The following ZNF300 variants were observed in gnomAD, a reference collection of about 807,000 sequenced individuals.
ZNF300 encodes the protein zinc finger protein 300.
A neutral mutation model predicts 13.9 loss-of-function variants in ZNF300; 6 were observed. That is an observed-to-expected ratio of 0.43 (90% CI 0.24 to 0.85). The LOEUF is 0.85. ZNF300 is among the 40% of genes least tolerant of loss of function. The probability of loss-of-function intolerance (pLI) is 0.25; values close to 1 mark genes in which losing one functional copy is unlikely to be tolerated. For missense variants in ZNF300, 662 were observed against 714.2 expected (o/e 0.93, Z 0.83); for synonymous variants, 237 against 242.2 (o/e 0.98, Z 0.20).
Position 150,896,409 on chromosome 5 carries a change from G to C in ZNF300, c.830C>G (p.Ala277Gly). ...KSCVCVTCGKAFAKKSQLIVH... is the reference protein window; with the variant it reads ...KSCVCVTCGKGFAKKSQLIVH... ...AATGAGTTGTGACTTCTTAGCAAAG[G>C]CTTTTCCACATGTAACACATACACA... Residue 277 changes from alanine to glycine, a missense_variant, in exon 6 of 6, where the codon GCC becomes GGC. Transcript: ENST00000274599. The C allele has an allele frequency of 1.2e-6, 2 of 1,613,582 alleles. No individual in the cohort carries two copies. The highest frequency in any genetic ancestry group is 1.7e-6 in the Non-Finnish European group (2 of 1,179,836).
chr5:150,903,687 A>G (rs1755058804), intron 2 of ZNF300, among the ~76,000 whole-genome samples, 177 bp downstream of exon 2: 2 of 152,196 alleles, frequency 1.3e-5, no homozygotes, highest in South Asian at 4.1e-4. Context: ...TTTTCCCCCA[A>G]CTTAGAAAAC....
At chr5:150,901,559 G>C (rs1487188305) in intron 3 of ZNF300, among the ~76,000 whole-genome samples, 1 of 151,976 alleles carries the variant, frequency 6.6e-6, no homozygotes, top group Non-Finnish European at 1.5e-5. Flanking sequence ...TTTTGCAATA[G>C]AACTCTAAAC....
In ZNF300 at chr5:150,894,673, T is replaced by C. The variant is rs757141999; in HGVS notation, c.*751A>G. 3.9e-5 allele frequency: 6 copies of C among 152,044 alleles called. No homozygotes were observed. The highest frequency in any genetic ancestry group is 8.8e-5 in the Non-Finnish European group (6 of 68,026). 9.4% of individuals were successfully genotyped at this position (152,044 alleles called of 1,614,324 possible). On this transcript the variant is annotated 3_prime_UTR_variant, in exon 6 of 6. Transcript: ENST00000274599. ...ACTGAAAATGAGCTCTGCATTGTAT[T>C]TGTACTTACTGATAAAAAATACTCA...
intron 3 of ZNF300, among the ~76,000 whole-genome samples, chr5:150,899,932 G>C (rs1371055336): frequency 6.6e-6 from 1 of 151,952 alleles, no homozygotes; most frequent in Non-Finnish European, 1.5e-5. Context: ...AGCCTCCTTT[G>C]TTTTCTTCTT....
In ZNF300 at chr5:150,895,972, G is replaced by A. The variant is rs1378238305; in HGVS notation, c.1267C>T (p.His423Tyr). ...ECGKAFCEKS[H>Y]LIIHKRIHTG... is the part of the protein sequence containing the mutation. Reference sequence around the variant, plus strand: ...TGAATTCTTTTATGTATAATGAGGTGGGACTTCTCACAGAAGGCTTTCCCA... The same window carrying A: ...TGAATTCTTTTATGTATAATGAGGTAGGACTTCTCACAGAAGGCTTTCCCA... The change falls in exon 6 of 6, where the codon CAC (histidine) becomes TAC (tyrosine). Residue 423 changes from histidine to tyrosine, a missense_variant. Coordinates refer to ENST00000274599, the MANE Select transcript of ZNF300 (RefSeq NM_052860.4). The A allele has an allele frequency of 6.2e-7, 1 of 1,613,352 alleles. No individual in the cohort carries two copies. The highest frequency in any genetic ancestry group is 8.5e-7 in the Non-Finnish European group (1 of 1,179,784).
Position 150,903,047 on chromosome 5 carries a change from T to C in ZNF300, c.15+94A>G, listed in dbSNP as rs1755038748. On this transcript the variant is annotated intron_variant, in intron 3 of 5. Transcript: ENST00000274599. ...GGTCTTGATCTTTGTTGTTACCACC[T>C]TTTCCTTCATCCAGATTTTAGCTAA... 9 of 1,324,566 alleles carry C rather than the reference T, an allele frequency of 6.8e-6. No homozygotes were observed. The South Asian group carries it at 1.2e-4, about 17-fold the overall frequency. 82.1% of individuals were successfully genotyped at this position (1,324,566 alleles called of 1,614,324 possible).
At position 150,896,386 on chromosome 5, in the gene ZNF300, T is replaced by TGAG. The variant is rs778700114; in HGVS notation, c.850_852dup (p.Leu284dup). On this transcript the variant is annotated inframe_insertion, in exon 6 of 6. Coordinates refer to ENST00000274599, the MANE Select transcript of ZNF300 (RefSeq NM_052860.4). ...CCAGTATGAATTCTTTGATGTACAATGAGTTGTGACTTCTTAGCAAAGGCT... is the reference window on the plus strand; with the variant it reads ...CCAGTATGAATTCTTTGATGTACAATGAGGAGTTGTGACTTCTTAGCAAAGGCT... 1.2e-6 allele frequency: 2 copies of TGAG among 1,613,688 alleles called. No homozygotes were observed. Among genetic ancestry groups the TGAG allele is most frequent in the Non-Finnish European group, 1.7e-6 (2 of 1,179,842 alleles).
Position 150,895,889 on chromosome 5 carries a change from T to G in ZNF300, c.1350A>C (p.Thr450=), listed in dbSNP as rs770167284. The change falls in exon 6 of 6, where the codon ACA becomes ACC. Residue 450 remains threonine, a synonymous_variant. Coordinates refer to ENST00000274599, the MANE Select transcript of ZNF300 (RefSeq NM_052860.4). The stretch of plus-strand genomic sequence containing the variant: ...GAACTAACTGATGTGTAATGAGTTC[T>G]GTCTTCCTGCTGAAGGCTTCCTCAC... ...AQCEEAFSRK[T]ELITHQLVHT... The G allele has an allele frequency of 1.2e-6, 2 of 1,613,546 alleles. No homozygotes were observed. The highest frequency in any genetic ancestry group is 4.5e-5 in the East Asian group (2 of 44,854).
At position 150,896,931 on chromosome 5, in the gene ZNF300, C is replaced by T. The variant is rs772465793; in HGVS notation, c.308G>A (p.Gly103Glu). 18 of 1,612,924 alleles carry T rather than the reference C, an allele frequency of 1.1e-5. No homozygotes were observed. The highest frequency in any genetic ancestry group is 1.7e-5 in the Admixed American group (1 of 59,792). Reference protein sequence around the residue: ...NLHNSQSCILGTVSFHHKILK... With the variant: ...NLHNSQSCILETVSFHHKILK... ...TATCTTATGATGGAAGGAAACTGTC[C>T]CCAAAATACATGACTGGGAGTTGTG... The change falls in exon 6 of 6, where the codon GGG (glycine) becomes GAG (glutamate). Residue 103 changes from glycine (G) to glutamate (E), a missense_variant. By Grantham distance (98) the Gly-to-Glu change is moderately conservative. Coordinates refer to ENST00000274599, the MANE Select transcript of ZNF300 (RefSeq NM_052860.4).
chr5:150,901,274 C>T (rs1456595085), intron 3 of ZNF300, among the ~76,000 whole-genome samples: 1 of 152,030 alleles, frequency 6.6e-6, no homozygotes, highest in Non-Finnish European at 1.5e-5. Context: ...TTTACATTTT[C>T]TAGGAACCAC....
intron 3 of ZNF300, among the ~76,000 whole-genome samples, chr5:150,902,815 C>T (rs1260681016): frequency 6.6e-6 from 1 of 152,162 alleles, no homozygotes; most frequent in Non-Finnish European, 1.5e-5. Context: ...CACTCCACCT[C>T]CTAGAGTAAA....
chr5:150,898,230 GAA>G (rs772839702), intron 4 of ZNF300, 46 bp from the exon 5 acceptor site: 2 of 1,606,506 alleles, frequency 1.2e-6, no homozygotes, highest in Non-Finnish European at 1.7e-6. Context: ...TGCACTGAAG[GAA>G]AAAGAGAAGG....
rs1418040427 is a variant in ZNF300 at position 150,903,989 on chromosome 5, CAAAAG to C, written c.-141-17_-141-13del. On this transcript the variant is annotated splice_polypyrimidine_tract_variant and intron_variant, in intron 1 of 5. Coordinates refer to ENST00000274599, the MANE Select transcript of ZNF300 (RefSeq NM_052860.4). ...GGGTATCAAAACATCTGGAAGGAAA[CAAAAG>C]AAACAATCATACTCATCTCTGGATA... 3 of 152,324 alleles carry C rather than the reference CAAAAG, an allele frequency of 2.0e-5. No individual in the cohort carries two copies. Among genetic ancestry groups the C allele is most frequent in the Non-Finnish European group, 4.4e-5 (3 of 68,084 alleles). The allele number at this position is 152,324 out of a possible 1,614,324, so 9.4% of individuals were successfully genotyped here.
At chr5:150,898,266 A>T in intron 4 of ZNF300, 82 bp from the exon 5 acceptor site, 1 of 1,596,734 alleles carries the variant, frequency 6.3e-7, no homozygotes, top group Non-Finnish European at 8.6e-7. Context: ...GGTCTACAAT[A>T]AAGCTGTCCA....
intron 3 of ZNF300, chr5:150,900,795 TAATA>T (rs1435566905): frequency 6.9e-6 from 1 of 145,846 alleles, no homozygotes; most frequent in East Asian, 1.9e-4. Context: ...ATAAGAAAGA[TAATA>T]AATGTGGAAT....
intron 3 of ZNF300, among the ~76,000 whole-genome samples, chr5:150,900,341 T>C (rs1754949549): frequency 6.6e-6 from 1 of 152,078 alleles, no homozygotes. Context: ...AAAATCACTC[T>C]GCCCTTTCTA....
In ZNF300 at chr5:150,895,905, G is replaced by C. The variant is rs773366649; in HGVS notation, c.1334C>G (p.Ala445Gly). The change falls in exon 6 of 6, where the codon GCC becomes GGC. Residue 445 changes from alanine to glycine, a missense_variant. Transcript: ENST00000274599. ...AATGAGTTCTGTCTTCCTGCTGAAG[G>C]CTTCCTCACATTGAGCACATTTGTA... is the stretch of plus-strand genomic sequence containing the variant. ...KPYKCAQCEEAFSRKTELITH... is the reference protein window; with the variant it reads ...KPYKCAQCEEGFSRKTELITH... 1.9e-6 allele frequency: 3 copies of C among 1,613,538 alleles called. No homozygotes were observed. The highest frequency in any genetic ancestry group is 1.7e-5 in the Admixed American group (1 of 59,838).
chr5:150,896,904 A>G lies in ZNF300; in HGVS notation c.335T>C (p.Leu112Pro). 6.2e-7 allele frequency: 1 copy of G among 1,613,510 alleles called. No homozygotes were observed. The highest frequency in any genetic ancestry group is 1.1e-5 in the South Asian group (1 of 91,070). ...LGTVSFHHKILKGVTRDGSLC... is the reference protein window; with the variant it reads ...LGTVSFHHKIPKGVTRDGSLC... The stretch of plus-strand genomic sequence containing the variant: ...TGAACCATCCCTTGTGACTCCTTTC[A>G]GTATCTTATGATGGAAGGAAACTGT... Residue 112 changes from leucine to proline, a missense_variant, in exon 6 of 6, where the codon CTG (leucine) becomes CCG (proline). By Grantham distance (98) the Leu-to-Pro change is moderately conservative. Coordinates refer to ENST00000274599, the MANE Select transcript of ZNF300 (RefSeq NM_052860.4).
rs774263988 is a variant in ZNF300, at chr5:150,896,349, T to C, written c.890A>G (p.Tyr297Cys). ...GGCTTTTCCGCATGCACCACAATCA[T>C]ATGGTTTCTTTCCAGTATGAATTCT... ...HQRIHTGKKP[Y>C]DCGACGKAFS... The change falls in exon 6 of 6, where the codon TAT becomes TGT. Residue 297 changes from tyrosine (Y) to cysteine (C), a missense_variant. Physicochemically the swap from Tyr to Cys is radical, Grantham distance 194. Transcript: ENST00000274599. The C allele has an allele frequency of 4.3e-6, 7 of 1,613,656 alleles. No individual in the cohort carries two copies. Among genetic ancestry groups the C allele is most frequent in the Non-Finnish European group, 5.1e-6 (6 of 1,179,822 alleles).
Sources: gnomAD v4.1 joint callset for allele counts (sites outside exome capture counted in the v4.1 genomes callset) on GRCh38, gnomAD v4.1.1 for gene constraint, MANE v1.5 for transcripts, NCBI Gene and HGNC (gene_info 2026-07-23, HGNC 2026-07-21) for gene names.